Variants in SYCP1 observed in about 807,000 individuals in gnomAD.
SYCP1 encodes the protein synaptonemal complex protein 1, also known as cancer/testis antigen 8.
Under a neutral mutation model 153.1 loss-of-function variants are expected in SYCP1, and 64 were observed. The ratio of observed to expected loss-of-function variants is 0.42; its 90% CI spans 0.34 to 0.51. The LOEUF (loss-of-function observed/expected upper bound fraction) is 0.51. Ranked by LOEUF, SYCP1 falls within the 20% of genes least tolerant of loss-of-function variation. The probability of loss-of-function intolerance (pLI) is 0.06; values close to 1 mark genes in which losing one functional copy is unlikely to be tolerated. For missense variants in SYCP1, 997 were observed against 1,049.0 expected (o/e 0.95, Z 0.68); for synonymous variants, 384 against 341.8 (o/e 1.12, Z -1.36).
intron 16 of SYCP1, among the ~76,000 whole-genome samples, chr1:114,899,746 T>A (rs527290290): frequency 6.6e-6 from 1 of 152,338 alleles, no homozygotes; most frequent in East Asian, 1.9e-4. Flanking sequence ...ATATTAGTAT[T>A]ATTCACCAAA....
chr1:114,923,837 A>G (rs545260896), intron 21 of SYCP1, among the ~76,000 whole-genome samples: 2 of 152,306 alleles, frequency 1.3e-5, no homozygotes, highest in Admixed American at 1.3e-4. Flanking sequence ...TATGGATGAC[A>G]AATTATTTAA....
rs74598910 is a variant in SYCP1, at chr1:114,879,502, G to C, written c.910+1300G>C. On this transcript the variant is annotated intron_variant, in intron 12 of 31. Coordinates refer to ENST00000369522, the MANE Select transcript of SYCP1 (RefSeq NM_003176.4). Reference sequence around the variant, plus strand: ...CTCTTCTCTCCACCCCAAGTCTGTTGGCTAAATTCTTAGTAAGGGCATAAA... The same window carrying C: ...CTCTTCTCTCCACCCCAAGTCTGTTCGCTAAATTCTTAGTAAGGGCATAAA... 2.0e-5 allele frequency among the ~76,000 whole-genome samples: 3 copies of C among 152,210 alleles called. No individual in the cohort carries two copies. The South Asian group carries it at 6.2e-4, about 32-fold the overall frequency.
Position 114,977,542 on chromosome 1 carries a change from A to G in SYCP1, c.2323-15A>G, listed in dbSNP as rs1672878845. ...GATGTTTATGTTACTTGTACTTGATATTTATTTTTAATAGGAAAAACTCAA... is the reference window on the plus strand; with the variant it reads ...GATGTTTATGTTACTTGTACTTGATGTTTATTTTTAATAGGAAAAACTCAA... On this transcript the variant is annotated splice_polypyrimidine_tract_variant and intron_variant, in intron 27 of 31. Transcript: ENST00000369522. The G allele has an allele frequency of 9.4e-6, 13 of 1,379,928 alleles. No individual in the cohort carries two copies. The highest frequency in any genetic ancestry group is 1.5e-5 in the African/African-American group (1 of 66,290). The allele number at this position is 1,379,928 out of a possible 1,614,324, so 85.5% of individuals were successfully genotyped here.
intron 15 of SYCP1, among the ~76,000 whole-genome samples, chr1:114,894,440 C>T (rs1479923773): frequency 6.6e-6 from 1 of 152,082 alleles, no homozygotes; most frequent in East Asian, 1.9e-4. Flanking sequence ...ACTCTGTAGG[C>T]AGTTTCTTTT....
intron 23 of SYCP1, among the ~76,000 whole-genome samples, chr1:114,935,886 G>A (rs536920315): frequency 6.6e-6 from 1 of 151,818 alleles, no homozygotes; most frequent in East Asian, 1.9e-4. Context: ...GACCAAAAAG[G>A]TTCTGAAATT....
At chr1:114,976,804 A>G (rs775327131) in intron 27 of SYCP1, among the ~76,000 whole-genome samples, 52 of 151,910 alleles carry the variant, frequency 3.4e-4, no homozygotes, top group South Asian at 2.1e-4. Flanking sequence ...GAGCAATGCT[A>G]TGGGAGAGAT....
intron 19 of SYCP1, among the ~76,000 whole-genome samples, chr1:114,913,464 A>T (rs895560992): frequency 6.6e-6 from 1 of 152,070 alleles, no homozygotes; most frequent in Non-Finnish European, 1.5e-5. Flanking sequence ...ATGATGAATA[A>T]AATGTCACCC....
At chr1:114,974,902 C>T (rs1051440714) in intron 27 of SYCP1, among the ~76,000 whole-genome samples, 1 of 151,770 alleles carries the variant, frequency 6.6e-6, no homozygotes, top group Non-Finnish European at 1.5e-5. Context: ...TTCTGAGAAC[C>T]TCTATATTGG....
intron 18 of SYCP1, 81 bp downstream of exon 18, chr1:114,911,663 A>AT: frequency 1.5e-5 from 9 of 581,670 alleles, no homozygotes; most frequent in South Asian, 6.5e-5. Context: ...TTAGTAAATT[A>AT]TATTTAATAT....
At chr1:114,857,302 A>G (rs754557540) in intron 4 of SYCP1, 27 bp downstream of exon 4, 35 of 1,593,774 alleles carry the variant, frequency 2.2e-5, no homozygotes, top group Non-Finnish European at 2.9e-5. Flanking sequence ...ACATGTAGAT[A>G]TAATCTGTTT....
At chr1:114,927,209 T>TC (rs58383849) in intron 23 of SYCP1, among the ~76,000 whole-genome samples, 24 of 151,100 alleles carry the variant, frequency 1.6e-4, no homozygotes, top group Non-Finnish European at 2.5e-4. Context: ...AAAAATTAAG[T>TC]AAGGATTTTC....
In SYCP1 at chr1:114,959,115, T is replaced by TTC. The variant is rs1182844187; in HGVS notation, c.2322+11799_2322+11800dup. 3.3e-5 allele frequency among the ~76,000 whole-genome samples: 5 copies of TTC among 152,238 alleles called. No individual in the cohort carries two copies. In the South Asian group the frequency reaches 8.3e-4, roughly 25 times the overall value. ...GATGCCCTTTATCAAACTGAGAAAGTTCTCTTCTATTCCTAATTAGTTTAA... is the reference window on the plus strand; with the variant it reads ...GATGCCCTTTATCAAACTGAGAAAGTTCTCTCTTCTATTCCTAATTAGTTTAA... On this transcript the variant is annotated intron_variant, in intron 27 of 31. Transcript: ENST00000369522.
At position 114,987,076 on chromosome 1, in the gene SYCP1, CT is replaced by C. The variant is rs113910066; in HGVS notation, c.2703+2221del. 3.0e-3 allele frequency among the ~76,000 whole-genome samples: 436 copies of C among 144,802 alleles called. 1 individual carries two copies. The highest frequency in any genetic ancestry group is 6.4e-3 in the African/African-American group (255 of 39,850). The allele number at this position is 144,802 out of a possible 152,430, so 95.0% of individuals were successfully genotyped here. A position where few individuals can be genotyped will look rare whatever the true frequency, so the allele number is the denominator to read the frequency against. On this transcript the variant is annotated intron_variant, in intron 30 of 31. Transcript: ENST00000369522. ...AGGAATTTACATGAAGCACATCTATCTTTTTTTTTTTTTCCTTTTCTCTTTT... is the reference window on the plus strand; with the variant it reads ...AGGAATTTACATGAAGCACATCTATCTTTTTTTTTTTTCCTTTTCTCTTTT...
intron 8 of SYCP1, among the ~76,000 whole-genome samples, chr1:114,866,138 A>G (rs752064172): frequency 6.6e-6 from 1 of 152,218 alleles, no homozygotes; most frequent in African/African-American, 2.4e-5. Flanking sequence ...TAAAGCTGCT[A>G]TAAATATCCA....
At chr1:114,981,918 AT>A (rs1329142118) in intron 29 of SYCP1, among the ~76,000 whole-genome samples, 1 of 152,036 alleles carries the variant, frequency 6.6e-6, no homozygotes, top group African/African-American at 2.4e-5. Flanking sequence ...ATTTTATAGC[AT>A]CACCACAGTT....
intron 28 of SYCP1, among the ~76,000 whole-genome samples, chr1:114,979,166 C>T (rs1278387003): frequency 6.7e-6 from 1 of 148,736 alleles, no homozygotes; most frequent in Non-Finnish European, 1.5e-5. Flanking sequence ...TTTATTCCAA[C>T]ACTACTGAAA....
At chr1:114,856,933 A>AAC (rs1456064841) in intron 3 of SYCP1, among the ~76,000 whole-genome samples, 4 of 146,760 alleles carry the variant, frequency 2.7e-5, no homozygotes, top group Middle Eastern at 3.4e-3. Context: ...AAAAAAAAAA[A>AAC]AAAAAAAAAA....
intron 12 of SYCP1, among the ~76,000 whole-genome samples, chr1:114,879,689 T>G (rs360639): frequency 0.7 from 106,666 of 152,028 alleles, 37,585 homozygotes; most frequent in African/African-American, 0.72. Flanking sequence ...ACTGAAAAAA[T>G]TAATAAATAA....
intron 23 of SYCP1, among the ~76,000 whole-genome samples, chr1:114,926,959 C>T (rs1669295333): frequency 6.6e-6 from 1 of 152,052 alleles, no homozygotes; most frequent in Admixed American, 6.6e-5. Context: ...AAACCATTTA[C>T]TTGTATAAAA....
Sources: allele counts gnomAD v4.1 joint callset (sites outside exome capture counted in the v4.1 genomes callset), GRCh38; gene constraint gnomAD v4.1.1; transcripts MANE v1.5; gene names NCBI Gene and HGNC (gene_info 2026-07-23, HGNC 2026-07-21).